MED27: variants seen among roughly 807,000 people sequenced by gnomAD.
The protein encoded by MED27 is mediator complex subunit 27.
MED27 carries 30 observed loss-of-function variants against 38.2 expected under a neutral mutation model. The ratio of observed to expected loss-of-function variants is 0.79; its 90% CI spans 0.59 to 1.07. MED27 has a LOEUF of 1.07. MED27 is among the 50% of genes least tolerant of loss of function. The pLI, the probability that MED27 is intolerant of heterozygous loss-of-function variation, is 0.00. For missense variants in MED27, 289 were observed against 397.5 expected, an observed-to-expected ratio of 0.73 and a Z score of 2.32; for synonymous variants, 122 against 153.5, an observed-to-expected ratio of 0.79 and a Z score of 1.52.
intron 5 of MED27, among the ~76,000 whole-genome samples, chr9:131,885,725 A>G (rs1466424944): frequency 6.6e-6 from 1 of 152,206 alleles, no homozygotes; most frequent in Non-Finnish European, 1.5e-5. Context: ...CAACAAATCA[A>G]TGCCTTCTGT....
intron 3 of MED27, among the ~76,000 whole-genome samples, chr9:132,001,732 G>C (rs934117426): frequency 6.6e-6 from 1 of 152,160 alleles, no homozygotes; most frequent in Non-Finnish European, 1.5e-5. Flanking sequence ...CTGTGGCCTT[G>C]AGCAAGTCAG....
chr9:132,043,970 T>C lies in MED27; in HGVS notation c.349-29503A>G, dbSNP rs1056248204. ...GAGACTCATACACCGTAGTCAACTG[T>C]GTCAACTGGCAGGGATGTCTTCTTG... On this transcript the variant is annotated intron_variant, in intron 2 of 7. Transcript: ENST00000292035. Among the ~76,000 whole-genome samples the C allele has an allele frequency of 2.0e-5, 3 of 152,216 alleles. No homozygotes were observed. In the South Asian group the frequency reaches 6.2e-4, roughly 32 times the overall value.
At chr9:131,876,952 G>A (rs936063036) in intron 6 of MED27, among the ~76,000 whole-genome samples, 1 of 152,210 alleles carries the variant, frequency 6.6e-6, no homozygotes, top group Non-Finnish European at 1.5e-5. Context: ...ACCACATTCT[G>A]TCCTTACAAC....
At chr9:131,999,601 G>C (rs1035148691) in intron 3 of MED27, among the ~76,000 whole-genome samples, 4 of 152,112 alleles carry the variant, frequency 2.6e-5, no homozygotes, top group Admixed American at 6.5e-5. Context: ...ACCAAACACT[G>C]TAGATATTAG....
In MED27 at chr9:131,908,147, C is replaced by T. The variant is rs575201169; in HGVS notation, c.574-14155G>A. On this transcript the variant is annotated intron_variant, in intron 4 of 7. Transcript: ENST00000292035. ...GAGGTGGGGGGGTCAGCCCCCCGCT[C>T]GGCCAGCCGCCCCGTCCAGGAGGTG... Among the ~76,000 whole-genome samples, 590 of 147,944 alleles carry T rather than the reference C, an allele frequency of 4.0e-3. 3 individuals carry two copies. Among genetic ancestry groups the T allele is most frequent in the African/African-American group, 0.014 (565 of 40,454 alleles).
At chr9:131,953,934 C>T (rs1346506245) in intron 3 of MED27, among the ~76,000 whole-genome samples, 2 of 151,574 alleles carry the variant, frequency 1.3e-5, no homozygotes, top group Non-Finnish European at 2.9e-5. Context: ...TCTTGTGCCT[C>T]AGCCTCCTGG....
Position 131,862,411 on chromosome 9 carries a change from G to A in MED27, c.801+652C>T, listed in dbSNP as rs1303085920. Among the ~76,000 whole-genome samples, 1 of 152,210 alleles carries A rather than the reference G, an allele frequency of 6.6e-6. No individual in the cohort carries two copies. The highest frequency in any genetic ancestry group is 2.4e-5 in the African/African-American group (1 of 41,442). ...GCTGGCGGCTACGTCTGTCAAGGACGCGGGGACATGGTGTTAGCCCTGCTT... is the reference window on the plus strand; with the variant it reads ...GCTGGCGGCTACGTCTGTCAAGGACACGGGGACATGGTGTTAGCCCTGCTT... On this transcript the variant is annotated intron_variant, in intron 7 of 7. Transcript: ENST00000292035. This position sits in a 1 kb window ranked among gnomAD's most constrained non-coding sequence, Gnocchi z 4.6.
intron 4 of MED27, among the ~76,000 whole-genome samples, chr9:131,931,266 A>G (rs1830581260): frequency 6.6e-6 from 1 of 152,040 alleles, no homozygotes; most frequent in African/African-American, 2.4e-5. Flanking sequence ...AATAAAATAA[A>G]ATATAAAGAA....
intron 2 of MED27, among the ~76,000 whole-genome samples, chr9:132,060,716 G>C (rs1256950498): frequency 6.6e-6 from 1 of 152,216 alleles, no homozygotes; most frequent in Non-Finnish European, 1.5e-5. Flanking sequence ...TGGGAGGCTG[G>C]GACGGGCAGA....
intron 5 of MED27, among the ~76,000 whole-genome samples, chr9:131,891,630 A>T (rs1256958601): frequency 1.3e-5 from 2 of 152,132 alleles, no homozygotes; most frequent in Non-Finnish European, 2.9e-5. Flanking sequence ...TCTGCCTAAC[A>T]TCTATTAATA....
At chr9:132,012,411 C>G (rs140852609) in intron 3 of MED27, among the ~76,000 whole-genome samples, 1 of 152,186 alleles carries the variant, frequency 6.6e-6, no homozygotes, top group Non-Finnish European at 1.5e-5. Context: ...AATATGGCCC[C>G]TGTGCATGCA....
chr9:132,072,903 C>T lies in MED27; in HGVS notation c.348+4539G>A, dbSNP rs549785001. On this transcript the variant is annotated intron_variant, in intron 2 of 7. Transcript: ENST00000292035. Reference sequence around the variant, plus strand: ...AAAACACAAGTAGAAATCGGTTATACGTAACTCACAAAGTAGGATAACCCT... The same window carrying T: ...AAAACACAAGTAGAAATCGGTTATATGTAACTCACAAAGTAGGATAACCCT... Among the ~76,000 whole-genome samples the T allele has an allele frequency of 2.7e-4, 41 of 152,048 alleles. 1 individual carries two copies. The highest frequency in any genetic ancestry group is 2.3e-3 in the Admixed American group (35 of 15,278).
intron 4 of MED27, among the ~76,000 whole-genome samples, chr9:131,921,814 C>T (rs1240130242): frequency 6.6e-6 from 1 of 152,192 alleles, no homozygotes; most frequent in Non-Finnish European, 1.5e-5. Flanking sequence ...AAATGTGGTA[C>T]ATACACACCA....
rs145908283 is a variant in MED27 at position 131,964,140 on chromosome 9, A to C, written c.480-24666T>G. Among the ~76,000 whole-genome samples the C allele has an allele frequency of 3.5e-3, 526 of 152,104 alleles. 2 individuals are homozygous for C. The highest frequency in any genetic ancestry group is 0.012 in the African/African-American group (495 of 41,476). ...GAAGTAATTAATCACTCTGAGCATC[A>C]GTTTCCTCATTCATAAAATGAAGAT... On this transcript the variant is annotated intron_variant, in intron 3 of 7. Coordinates refer to ENST00000292035, the MANE Select transcript of MED27 (RefSeq NM_004269.4).
At chr9:132,044,891 G>C (rs1833297369) in intron 2 of MED27, among the ~76,000 whole-genome samples, 1 of 151,998 alleles carries the variant, frequency 6.6e-6, no homozygotes. Flanking sequence ...TTTTAATTTG[G>C]AGTGCTACTT....
chr9:131,992,430 G>T (rs913741966), intron 3 of MED27, among the ~76,000 whole-genome samples: 1 of 152,222 alleles, frequency 6.6e-6, no homozygotes, highest in East Asian at 1.9e-4. Context: ...GTCTCACTCT[G>T]TTGCCCAGGC....
chr9:131,866,029 C>G (rs576444389), intron 6 of MED27, among the ~76,000 whole-genome samples: 1 of 152,270 alleles, frequency 6.6e-6, no homozygotes, highest in East Asian at 1.9e-4. Context: ...GGTCTTGGAT[C>G]CAGCCTACTC....
intron 4 of MED27, among the ~76,000 whole-genome samples, chr9:131,926,355 T>C (rs1034404261): frequency 6.6e-6 from 1 of 152,176 alleles, no homozygotes; most frequent in African/African-American, 2.4e-5. Flanking sequence ...CCAGCCTTCA[T>C]CAGAACTCCA....
At chr9:131,865,334 A>G (rs888118942) in intron 6 of MED27, among the ~76,000 whole-genome samples, 1 of 152,144 alleles carries the variant, frequency 6.6e-6, no homozygotes, top group African/African-American at 2.4e-5. Context: ...ACTGGTGGTA[A>G]TTGGCGGGGG....
Sources: allele counts gnomAD v4.1 joint callset (sites outside exome capture counted in the v4.1 genomes callset), GRCh38; gene constraint gnomAD v4.1.1; non-coding constraint Gnocchi (gnomAD v3.1); transcripts MANE v1.5; gene names NCBI Gene and HGNC (gene_info 2026-07-23, HGNC 2026-07-21).